Variants in ZNF471 observed in about 807,000 individuals in gnomAD.
ZNF471 encodes zinc finger protein 471, also known as EZFIT-related protein 1.
A neutral mutation model predicts 13.7 loss-of-function variants in ZNF471; 7 were observed. The ratio of observed to expected loss-of-function variants is 0.51; its 90% CI spans 0.29 to 0.96. ZNF471 has a LOEUF of 0.96. Ranked by LOEUF, ZNF471 falls within the 40% of genes least tolerant of loss-of-function variation. The probability of loss-of-function intolerance (pLI) is 0.08; values close to 1 mark genes in which losing one functional copy is unlikely to be tolerated. For synonymous variants in ZNF471, 218 were observed against 235.6 expected, an observed-to-expected ratio of 0.93 and a Z score of 0.68; for missense variants, 663 against 743.3, an observed-to-expected ratio of 0.89 and a Z score of 1.26.
At chr19:56,511,636 G>C in intron 2 of ZNF471, 32 bp downstream of exon 2, 1 of 1,566,670 alleles carries the variant, frequency 6.4e-7, no homozygotes, top group Non-Finnish European at 8.8e-7. Flanking sequence ...CTTCATGAAA[G>C]GCAGTCTTGC....
At chr19:56,511,630 A>G in intron 2 of ZNF471, 26 bp downstream of exon 2, 1 of 1,577,300 alleles carries the variant, frequency 6.3e-7, no homozygotes, top group Non-Finnish European at 8.7e-7. Context: ...CTTTCTCTTC[A>G]TGAAAGGCAG....
rs148441830 is a variant in ZNF471, at chr19:56,519,326, A to G, written c.256+749A>G. The stretch of plus-strand genomic sequence containing the variant: ...CACCAAGCTTTTTACTGACTCAGGC[A>G]TATGCACTTCCTGTTTCCTCTACCC... On this transcript the variant is annotated intron_variant, in intron 4 of 4. Coordinates refer to ENST00000308031, the MANE Select transcript of ZNF471 (RefSeq NM_020813.4). Among the ~76,000 whole-genome samples the G allele has an allele frequency of 3.4e-3, 525 of 152,266 alleles. 7 individuals are homozygous for G. Among genetic ancestry groups the G allele is most frequent in the African/African-American group, 0.012 (494 of 41,546 alleles).
chr19:56,512,327 G>A (rs983783668), intron 2 of ZNF471, among the ~76,000 whole-genome samples: 1 of 151,104 alleles, frequency 6.6e-6, no homozygotes, highest in Non-Finnish European at 1.5e-5. Flanking sequence ...CTACCTTTAG[G>A]TCCTATTTTT....
chr19:56,519,837 G>A (rs1279485977), intron 4 of ZNF471, among the ~76,000 whole-genome samples: 1 of 152,246 alleles, frequency 6.6e-6, no homozygotes, highest in Non-Finnish European at 1.5e-5. Context: ...GCACCATTCT[G>A]AGTTGTATGA....
rs1370234044 is a variant in ZNF471, at chr19:56,527,625, A to C, written c.*1677A>C. 6.6e-6 allele frequency: 1 copy of C among 152,234 alleles called. No individual in the cohort carries two copies. The highest frequency in any genetic ancestry group is 1.5e-5 in the Non-Finnish European group (1 of 68,042). The allele number at this position is 152,234 out of a possible 1,614,324, so 9.4% of individuals were successfully genotyped here. ...AACTAGAATAACCAGTTTAGAGAAGAACATAAATGACCTGATGGAGCTGAA... is the reference window on the plus strand; with the variant it reads ...AACTAGAATAACCAGTTTAGAGAAGCACATAAATGACCTGATGGAGCTGAA... On this transcript the variant is annotated 3_prime_UTR_variant, in exon 5 of 5. Transcript: ENST00000308031.
chr19:56,510,763 G>C lies in ZNF471; in HGVS notation c.-55-754G>C. On this transcript the variant is annotated intron_variant, in intron 1 of 4. Coordinates refer to ENST00000308031, the MANE Select transcript of ZNF471 (RefSeq NM_020813.4). The surrounding 1 kb of genome is among the most constrained non-coding windows in gnomAD (Gnocchi z 4.3). ...GATTCTTTATGAGTGTGGCTGTTTG[G>C]AATTGTGTGTTGCCGGGATAGGAAA... is the stretch of plus-strand genomic sequence containing the variant. 1 of 985,456 alleles carries C rather than the reference G, an allele frequency of 1.0e-6. No homozygotes were observed. Among genetic ancestry groups the C allele is most frequent in the Non-Finnish European group, 1.2e-6 (1 of 829,978 alleles). The allele number at this position is 985,456 out of a possible 1,614,324, so 61.0% of individuals were successfully genotyped here. A position where few individuals can be genotyped will look rare whatever the true frequency, so the allele number is the denominator to read the frequency against.
At chr19:56,513,067 C>T (rs1310249521) in intron 2 of ZNF471, among the ~76,000 whole-genome samples, 2 of 152,144 alleles carry the variant, frequency 1.3e-5, no homozygotes, top group African/African-American at 4.8e-5. Context: ...CATTAAAATT[C>T]TACCTGAAGT....
At chr19:56,520,701 G>A (rs2043957654) in intron 4 of ZNF471, among the ~76,000 whole-genome samples, 4 of 152,182 alleles carry the variant, frequency 2.6e-5, no homozygotes, top group Admixed American at 2.6e-4. Context: ...TCCACTGTGT[G>A]AGGAAACAGG....
Position 56,508,736 on chromosome 19 carries a change from G to A in ZNF471, c.-56+816G>A, listed in dbSNP as rs1251444304. Among the ~76,000 whole-genome samples the A allele has an allele frequency of 6.6e-6, 1 of 151,604 alleles. No homozygotes were observed. The highest frequency in any genetic ancestry group is 2.1e-4 in the South Asian group (1 of 4,784). On this transcript the variant is annotated intron_variant, in intron 1 of 4. Transcript: ENST00000308031. The surrounding 1 kb of genome is among the most constrained non-coding windows in gnomAD (Gnocchi z 4.7). ...AAGACCCGTCAGTGTGTGAGGCCGT[G>A]TTATGTGTGTCTGACAGACTGAGAG...
At position 56,525,378 on chromosome 19, in the gene ZNF471, G is replaced by GA; in HGVS notation, c.1314dup (p.Asp439ArgfsTer3). On this transcript the variant is annotated frameshift_variant, in exon 5 of 5. Transcript: ENST00000308031. LOFTEE classifies it low-confidence loss of function (END_TRUNC). ...AACCTTATGAATGTGATATATGTGGGAAAGATTTTAGCCATCATGCATCAC... is the reference window on the plus strand; with the variant it reads ...AACCTTATGAATGTGATATATGTGGGAAAAGATTTTAGCCATCATGCATCAC... 1 of 1,614,038 alleles carries GA rather than the reference G, an allele frequency of 6.2e-7. No homozygotes were observed. Among genetic ancestry groups the GA allele is most frequent in the Non-Finnish European group, 8.5e-7 (1 of 1,179,978 alleles).
chr19:56,524,260 A>G lies in ZNF471; in HGVS notation c.257-64A>G. ...TAAATATTTTTAAATTACCTTTTTCACAATGTCTCCTTTGTTGTAGCCCAT... is the reference window on the plus strand; with the variant it reads ...TAAATATTTTTAAATTACCTTTTTCGCAATGTCTCCTTTGTTGTAGCCCAT... On this transcript the variant is annotated intron_variant, in intron 4 of 4. Coordinates refer to ENST00000308031, the MANE Select transcript of ZNF471 (RefSeq NM_020813.4). This position sits in a 1 kb window ranked among gnomAD's most constrained non-coding sequence, Gnocchi z 4.8. 1 of 1,146,594 alleles carries G rather than the reference A, an allele frequency of 8.7e-7. No individual in the cohort carries two copies. Among genetic ancestry groups the G allele is most frequent in the Non-Finnish European group, 1.2e-6 (1 of 820,664 alleles). 71.0% of individuals were successfully genotyped at this position (1,146,594 alleles called of 1,614,324 possible).
chr19:56,519,763 A>C (rs529587540), intron 4 of ZNF471, among the ~76,000 whole-genome samples: 75 of 152,334 alleles, frequency 4.9e-4, no homozygotes, highest in Middle Eastern at 6.8e-3. Flanking sequence ...CCCACAGTCC[A>C]CCACTGTCCA....
chr19:56,514,712 T>G (rs1600509769), intron 2 of ZNF471, among the ~76,000 whole-genome samples: 2 of 152,324 alleles, frequency 1.3e-5, no homozygotes, highest in Middle Eastern at 6.8e-3. Context: ...TAATTAACTT[T>G]GAGGTAGTGT....
chr19:56,520,827 GTATTAGTCTGTTTAGT>G (rs1360346631), intron 4 of ZNF471, among the ~76,000 whole-genome samples: 1 of 152,192 alleles, frequency 6.6e-6, no homozygotes, highest in Non-Finnish European at 1.5e-5. Context: ...TTTTATAAGT[GTATTAGTCTGTTTAGT>G]TATAAGTGTT....
In ZNF471 at chr19:56,516,564, A is replaced by G. The variant is rs2043891377; in HGVS notation, c.160+163A>G. ...TGAAGAAAACTTGAGATTTAGAGTT[A>G]GTGAATTTGGAGAATATCAAATATT... On this transcript the variant is annotated intron_variant, in intron 3 of 4. Coordinates refer to ENST00000308031, the MANE Select transcript of ZNF471 (RefSeq NM_020813.4). The surrounding 1 kb of genome is among the most constrained non-coding windows in gnomAD (Gnocchi z 4.4). Among the ~76,000 whole-genome samples, 1 of 152,252 alleles carries G rather than the reference A, an allele frequency of 6.6e-6. No individual in the cohort carries two copies. Among genetic ancestry groups the G allele is most frequent in the African/African-American group, 2.4e-5 (1 of 41,464 alleles).
chr19:56,523,004 G>A (rs1243948618), intron 4 of ZNF471, among the ~76,000 whole-genome samples: 1 of 152,122 alleles, frequency 6.6e-6, no homozygotes, highest in Non-Finnish European at 1.5e-5. Context: ...CCAAAGTGCT[G>A]GGATTACAGG....
chr19:56,525,807 T>C lies in ZNF471; in HGVS notation c.1740T>C (p.Phe580=), dbSNP rs764174594. The change falls in exon 5 of 5, where the codon TTT becomes TTC. Residue 580 remains phenylalanine, a synonymous_variant. Coordinates refer to ENST00000308031, the MANE Select transcript of ZNF471 (RefSeq NM_020813.4). ...AATGTACTGAATGTGGAAAGGCTTT[T>C]AGTGATAGCTCATCCTGTGCTCAGC... ...PYKCTECGKA[F]SDSSSCAQHQ... is the part of the protein sequence containing the mutation. 6.2e-7 allele frequency: 1 copy of C among 1,614,222 alleles called. No homozygotes were observed. Among genetic ancestry groups the C allele is most frequent in the South Asian group, 1.1e-5 (1 of 91,084 alleles).
rs2043986581 is a variant in ZNF471, at chr19:56,522,458, CT to C, written c.257-1862del. Among the ~76,000 whole-genome samples, 1 of 152,304 alleles carries C rather than the reference CT, an allele frequency of 6.6e-6. No homozygotes were observed. Among genetic ancestry groups the C allele is most frequent in the South Asian group, 2.1e-4 (1 of 4,824 alleles). ...TTGTCTTCCTAAATTACTTTCTAAA[CT>C]TTTCAAGAACAATTCCTTCATTACT... On this transcript the variant is annotated intron_variant, in intron 4 of 4. Transcript: ENST00000308031. This position sits in a 1 kb window ranked among gnomAD's most constrained non-coding sequence, Gnocchi z 4.1.
intron 2 of ZNF471, among the ~76,000 whole-genome samples, chr19:56,512,685 C>A (rs373947856): frequency 1.3e-5 from 2 of 151,972 alleles, no homozygotes; most frequent in African/African-American, 4.8e-5. Flanking sequence ...TGCTTTTAAT[C>A]TTTTAATTTT....
Sources: allele counts gnomAD v4.1 joint callset (sites outside exome capture counted in the v4.1 genomes callset), GRCh38; gene constraint gnomAD v4.1.1; non-coding constraint Gnocchi (gnomAD v3.1); transcripts MANE v1.5; gene names NCBI Gene and HGNC (gene_info 2026-07-23, HGNC 2026-07-21).